The following CROCC variants were observed in gnomAD, a reference collection of about 807,000 sequenced individuals.
The protein encoded by CROCC is rootletin.
CROCC carries 180 observed loss-of-function variants against 245.2 expected under a neutral mutation model. The observed-to-expected ratio is 0.73, with a 90% CI of 0.65 to 0.83. The LOEUF (loss-of-function observed/expected upper bound fraction) is 0.83. Among genes scored for constraint, CROCC ranks in the 40% least tolerant of loss-of-function variants. The pLI, the probability that CROCC is intolerant of heterozygous loss-of-function variation, is 0.00. For synonymous variants in CROCC, 1,205 were observed against 1,241.6 expected, an observed-to-expected ratio of 0.97 and a Z score of 0.62; for missense variants, 2,688 against 2,779.4, an observed-to-expected ratio of 0.97 and a Z score of 0.74.
chr1:16,959,091 C>T (rs149829740), intron 26 of CROCC, among the ~76,000 whole-genome samples: 8,497 of 152,248 alleles, frequency 0.056, 309 homozygotes, highest in African/African-American at 0.088. Context: ...GGCACCATCT[C>T]GGCTCACTGC....
At chr1:16,925,527 C>T (rs1191347785) in intron 3 of CROCC, among the ~76,000 whole-genome samples, 3 of 152,288 alleles carry the variant, frequency 2.0e-5, no homozygotes, top group Non-Finnish European at 4.4e-5. Flanking sequence ...TGGGAAGAGA[C>T]ACTGGGCTAG....
chr1:16,949,766 T>C (rs1307791725), intron 19 of CROCC, among the ~76,000 whole-genome samples: 1 of 152,222 alleles, frequency 6.6e-6, no homozygotes, highest in Non-Finnish European at 1.5e-5. Flanking sequence ...GGAATAGGGT[T>C]GTTTTTTGTT....
rs755555932 is a variant in CROCC at position 16,937,743 on chromosome 1, CTGCAGG to C, written c.1290+10_1290+15del. ...CTGAGAAGCTTGAGGCCCTGGTGAG[CTGCAGG>C]TGCCCCTGAGATGGGGCAGGGTGAG... On this transcript the variant is annotated splice_region_variant and intron_variant, in intron 10 of 36. Coordinates refer to ENST00000375541, the MANE Select transcript of CROCC (RefSeq NM_014675.5). 1 of 1,605,162 alleles carries C rather than the reference CTGCAGG, an allele frequency of 6.2e-7. No homozygotes were observed. Among genetic ancestry groups the C allele is most frequent in the Non-Finnish European group, 8.5e-7 (1 of 1,175,052 alleles).
intron 32 of CROCC, 127 bp downstream of exon 32, chr1:16,969,467 C>A: frequency 1.0e-6 from 1 of 988,418 alleles, no homozygotes; most frequent in Non-Finnish European, 1.5e-6. Flanking sequence ...TGAGAGCAGG[C>A]TTTGAAGGGA....
chr1:16,954,858 G>A lies in CROCC; in HGVS notation c.3446G>A (p.Arg1149Gln), dbSNP rs945859968. The change falls in exon 23 of 37, where the codon CGG becomes CAG. Residue 1149 changes from arginine to glutamine, a missense_variant. This residue lies in a region of CROCC where 1,218 missense variants were observed against 1,286.3 expected (regional missense o/e 0.95). Coordinates refer to ENST00000375541, the MANE Select transcript of CROCC (RefSeq NM_014675.5). This position sits in a 1 kb window ranked among gnomAD's most constrained non-coding sequence, Gnocchi z 4.4. The part of the protein sequence containing the change: ...QEQARDLGKQ[R>Q]DSCLREAEEL... ...CAGGCCCGAGACCTGGGCAAGCAGC[G>A]GGACTCCTGTCTTCGCGAGGTGAGC... The A allele has an allele frequency of 2.6e-6, 4 of 1,537,540 alleles. No homozygotes were observed. Among genetic ancestry groups the A allele is most frequent in the Non-Finnish European group, 1.8e-6 (2 of 1,136,072 alleles).
intron 20 of CROCC, 132 bp from the exon 21 acceptor site, chr1:16,953,170 C>T (rs1557624561): frequency 2.5e-6 from 2 of 815,560 alleles, no homozygotes; most frequent in Non-Finnish European, 3.8e-6. Context: ...CTTATCACTC[C>T]CTTGTATTTA....
chr1:16,925,327 G>A (rs2075510338), intron 3 of CROCC, among the ~76,000 whole-genome samples: 1 of 152,272 alleles, frequency 6.6e-6, no homozygotes, highest in East Asian at 1.9e-4. Context: ...AATACACCAA[G>A]GTCGGGACCA....
chr1:16,915,893 G>A (rs1189257140), intron 1 of CROCC, among the ~76,000 whole-genome samples: 4 of 152,230 alleles, frequency 2.6e-5, no homozygotes, highest in African/African-American at 9.6e-5. Flanking sequence ...AGAAGGCCAT[G>A]AGCAGCCAGG....
chr1:16,920,191 G>A, upstream of CROCC, among the ~76,000 whole-genome samples: 1 of 152,244 alleles, frequency 6.6e-6, no homozygotes, highest in Non-Finnish European at 1.5e-5. Flanking sequence ...CGATTCTCCT[G>A]ACTCAGCCTC....
In CROCC at chr1:16,969,872, G is replaced by A. The variant is rs545232080; in HGVS notation, c.5389G>A (p.Glu1797Lys). 5.5e-5 allele frequency: 88 copies of A among 1,611,690 alleles called. 1 individual carries two copies. The South Asian group carries it at 6.9e-4, about 13-fold the overall frequency. ...LGEQVQTLRGEVADLELQRVE... is the reference protein window; with the variant it reads ...LGEQVQTLRGKVADLELQRVE... ...CGAGCAGGTGCAGACGTTGCGAGGC[G>A]AGGTGGCTGACCTGGAACTGCAGCG... Residue 1797 changes from glutamate to lysine, a missense_variant, in exon 33 of 37, where the codon GAG (glutamate) becomes AAG (lysine). This residue lies in a region of CROCC where 1,218 missense variants were observed against 1,286.3 expected (regional missense o/e 0.95). Transcript: ENST00000375541.
intron 11 of CROCC, 133 bp downstream of exon 11, chr1:16,938,616 C>A (rs139504827): frequency 6.0e-4 from 550 of 920,432 alleles, no homozygotes; most frequent in Middle Eastern, 3.3e-3. Context: ...CTGCTCAGCA[C>A]CCCTGCTAGC....
In CROCC at chr1:16,965,815, C is replaced by T. The variant is rs1341265829; in HGVS notation, c.4498C>T (p.Pro1500Ser). Reference protein sequence around the residue: ...SPGPATSPASPDLDPEAVRGA... With the variant: ...SPGPATSPASSDLDPEAVRGA... ...AGGACCTGCCACCTCCCCAGCCTCTCCAGACCTGGACCCGGAGGCAGTGCG... is the reference window on the plus strand; with the variant it reads ...AGGACCTGCCACCTCCCCAGCCTCTTCAGACCTGGACCCGGAGGCAGTGCG... The change falls in exon 28 of 37, where the codon CCA becomes TCA. Residue 1500 changes from proline (P) to serine (S), a missense_variant. Around this residue, in one of 9 missense-constraint regions of CROCC, gnomAD observed 1,218 missense variants for 1,286.3 expected, o/e 0.95. Coordinates refer to ENST00000375541, the MANE Select transcript of CROCC (RefSeq NM_014675.5). The T allele has an allele frequency of 6.2e-7, 1 of 1,613,830 alleles. No homozygotes were observed. The highest frequency in any genetic ancestry group is 1.1e-5 in the South Asian group (1 of 91,090).
intron 8 of CROCC, among the ~76,000 whole-genome samples, chr1:16,931,632 C>T (rs370151845): frequency 3.1e-3 from 467 of 152,044 alleles, no homozygotes; most frequent in African/African-American, 0.01. Context: ...TTCATAGCTT[C>T]CCTGTGAGGT....
intron 25 of CROCC, among the ~76,000 whole-genome samples, chr1:16,956,497 A>G (rs1424403484): frequency 6.6e-6 from 1 of 152,170 alleles, no homozygotes; most frequent in Non-Finnish European, 1.5e-5. Flanking sequence ...TTTTGTAAAG[A>G]GCCCAAATGG....
intron 26 of CROCC, among the ~76,000 whole-genome samples, chr1:16,959,960 C>CAA (rs905680578): frequency 2.8e-5 from 4 of 142,174 alleles, no homozygotes; most frequent in African/African-American, 7.7e-5. Context: ...AAACAAAAAA[C>CAA]AAAAAAAAAA....
chr1:16,928,880 G>A (rs1321390996), intron 3 of CROCC, among the ~76,000 whole-genome samples: 2 of 152,210 alleles, frequency 1.3e-5, no homozygotes, highest in African/African-American at 4.8e-5. Context: ...AGGCTGGAGT[G>A]CAGTGGCACG....
chr1:16,972,554 G>C lies in CROCC; in HGVS notation c.*108G>C. 1 of 714,414 alleles carries C rather than the reference G, an allele frequency of 1.4e-6. No individual in the cohort carries two copies. Among genetic ancestry groups the C allele is most frequent in the East Asian group, 3.0e-5 (1 of 32,854 alleles). The allele number at this position is 714,414 out of a possible 1,614,324, so 44.3% of individuals were successfully genotyped here. A position where few individuals can be genotyped will look rare whatever the true frequency, so the allele number is the denominator to read the frequency against. On this transcript the variant is annotated 3_prime_UTR_variant, in exon 37 of 37. Coordinates refer to ENST00000375541, the MANE Select transcript of CROCC (RefSeq NM_014675.5). ...CGGTCCCTTGGGGGCCTCAAGCTGG[G>C]GTGGGATGAGGAGGCGCTCTGCTGG...
intron 27 of CROCC, among the ~76,000 whole-genome samples, chr1:16,963,708 C>T (rs1265998125): frequency 1.3e-5 from 2 of 151,798 alleles, no homozygotes; most frequent in African/African-American, 2.4e-5. Context: ...GGCCATCACT[C>T]CAAGCAGGAG....
chr1:16,927,197 G>A (rs1200186595), intron 3 of CROCC, among the ~76,000 whole-genome samples: 6 of 152,246 alleles, frequency 3.9e-5, no homozygotes, highest in African/African-American at 1.4e-4. Flanking sequence ...CACAGAATAT[G>A]CACAGTGTTA....
Sources: gnomAD v4.1 joint callset for allele counts (sites outside exome capture counted in the v4.1 genomes callset) on GRCh38, gnomAD v4.1.1 for gene constraint, gnomAD v4.1.1 regional missense constraint, Gnocchi (gnomAD v3.1) non-coding constraint, MANE v1.5 for transcripts, NCBI Gene and HGNC (gene_info 2026-07-23, HGNC 2026-07-21) for gene names.